The following ANKS1B variants were observed in gnomAD, a reference collection of about 807,000 sequenced individuals.
ANKS1B encodes the protein ankyrin repeat and sterile alpha motif domain-containing protein 1B.
In ANKS1B, 36 loss-of-function variants were observed where a neutral mutation model predicts 148.3. The ratio of observed to expected loss-of-function variants is 0.24; its 90% CI spans 0.19 to 0.32. The LOEUF (loss-of-function observed/expected upper bound fraction) is 0.32, where lower values mean the gene tolerates loss of function less well. ANKS1B is among the 10% of genes least tolerant of loss of function. The pLI is 1.00. For synonymous variants in ANKS1B, 542 were observed against 560.8 expected (o/e 0.97, Z 0.47); for missense variants, 1,157 against 1,542.6 (o/e 0.75, Z 4.19).
At chr12:99,341,496 C>T (rs2089912383) in intron 12 of ANKS1B, among the ~76,000 whole-genome samples, 1 of 152,162 alleles carries the variant, frequency 6.6e-6, no homozygotes, top group African/African-American at 2.4e-5. Context: ...AAGAACCAGA[C>T]ATCTCTATCA....
At chr12:99,776,674 T>G (rs1234789722) in intron 6 of ANKS1B, among the ~76,000 whole-genome samples, 2 of 126,702 alleles carry the variant, frequency 1.6e-5, no homozygotes, top group East Asian at 5.6e-4. Context: ...TTTTTTTTGT[T>G]TCTTTTTGGT....
intron 17 of ANKS1B, chr12:99,049,122 T>C (rs1269497727): frequency 6.6e-6 from 1 of 152,248 alleles, no homozygotes; most frequent in East Asian, 1.9e-4. Context: ...TATGGAAATA[T>C]GAATATTTCT....
chr12:99,562,013 C>T (rs963607248), intron 9 of ANKS1B, among the ~76,000 whole-genome samples: 3 of 152,182 alleles, frequency 2.0e-5, no homozygotes, highest in East Asian at 1.9e-4. Flanking sequence ...CCTTGATCCA[C>T]GGGCTTGCAG....
At chr12:98,956,987 T>C (rs2099863276) in intron 17 of ANKS1B, among the ~76,000 whole-genome samples, 1 of 152,238 alleles carries the variant, frequency 6.6e-6, no homozygotes, top group Admixed American at 6.5e-5. Flanking sequence ...TTAAGCTCTT[T>C]ACTCTATCTC....
chr12:99,679,368 G>T, intron 8 of ANKS1B, among the ~76,000 whole-genome samples: 1 of 152,140 alleles, frequency 6.6e-6, no homozygotes. Flanking sequence ...GAGTGCAGTG[G>T]CACCATCTCG....
chr12:99,867,181 G>A (rs370368826), intron 1 of ANKS1B, among the ~76,000 whole-genome samples: 2 of 152,228 alleles, frequency 1.3e-5, no homozygotes, highest in Middle Eastern at 3.4e-3. Context: ...TCAAGATTTT[G>A]TTAATATTGC....
chr12:99,475,511 T>C (rs897916684), intron 10 of ANKS1B, among the ~76,000 whole-genome samples: 4 of 151,886 alleles, frequency 2.6e-5, no homozygotes, highest in Non-Finnish European at 5.9e-5. Flanking sequence ...AAATGTCATG[T>C]AAAATCTGAA....
At chr12:99,530,212 A>T (rs1252602878) in intron 9 of ANKS1B, among the ~76,000 whole-genome samples, 1 of 152,220 alleles carries the variant, frequency 6.6e-6, no homozygotes, top group East Asian at 1.9e-4. Flanking sequence ...AGTTTAAAAC[A>T]TCAGTAAGGC....
At chr12:99,717,787 T>C (rs991427033) in intron 8 of ANKS1B, among the ~76,000 whole-genome samples, 3 of 88,618 alleles carry the variant, frequency 3.4e-5, no homozygotes, top group South Asian at 3.9e-4. Context: ...CACTCCACAT[T>C]ACCTTCTTTT....
At chr12:99,847,664 G>T (rs566661660) in intron 1 of ANKS1B, among the ~76,000 whole-genome samples, 1 of 152,236 alleles carries the variant, frequency 6.6e-6, no homozygotes, top group East Asian at 1.9e-4. Context: ...AAAATGAACA[G>T]TTTTCCCTTG....
intron 12 of ANKS1B, among the ~76,000 whole-genome samples, chr12:99,264,491 C>CGTAA (rs1357302237): frequency 2.0e-5 from 3 of 152,088 alleles, no homozygotes; most frequent in African/African-American, 7.2e-5. Flanking sequence ...CGTTTATGAT[C>CGTAA]TTACAGTTTT....
chr12:99,410,055 T>C (rs975449277), intron 11 of ANKS1B, among the ~76,000 whole-genome samples: 5 of 152,250 alleles, frequency 3.3e-5, no homozygotes, highest in African/African-American at 1.2e-4. Flanking sequence ...CTACATCTTA[T>C]GTGCCAAAGC....
intron 1 of ANKS1B, among the ~76,000 whole-genome samples, chr12:99,855,988 G>C (rs1469151133): frequency 6.6e-6 from 1 of 151,918 alleles, no homozygotes; most frequent in Non-Finnish European, 1.5e-5. Context: ...ACAATCTAAG[G>C]TCATACCTTA....
chr12:99,570,618 C>T (rs887222525), intron 9 of ANKS1B, among the ~76,000 whole-genome samples: 10 of 149,550 alleles, frequency 6.7e-5, no homozygotes, highest in African/African-American at 2.2e-4. Flanking sequence ...TGCACTCCAG[C>T]CTGAGCGACG....
intron 17 of ANKS1B, among the ~76,000 whole-genome samples, chr12:99,045,352 C>T (rs2099961652): frequency 6.6e-6 from 1 of 152,148 alleles, no homozygotes; most frequent in Non-Finnish European, 1.5e-5. Flanking sequence ...TGAGTCAGCT[C>T]CTTCTTCCCT....
intron 12 of ANKS1B, among the ~76,000 whole-genome samples, chr12:99,258,429 T>TA (rs929046871): frequency 1.6e-4 from 24 of 147,586 alleles, no homozygotes; most frequent in South Asian, 6.4e-4. Context: ...GATCTTCATT[T>TA]AAAAAAAAAA....
chr12:98,851,480 T>C (rs953420344), intron 17 of ANKS1B, among the ~76,000 whole-genome samples: 1 of 152,158 alleles, frequency 6.6e-6, no homozygotes, highest in Admixed American at 6.5e-5. Context: ...AGGACATGTC[T>C]GTTTATGGTT....
intron 14 of ANKS1B, among the ~76,000 whole-genome samples, chr12:99,224,016 A>T (rs1418845913): frequency 6.6e-6 from 1 of 152,110 alleles, no homozygotes; most frequent in Non-Finnish European, 1.5e-5. Context: ...GAATAAACAA[A>T]TTTTTCTTTA....
chr12:98,781,313 A>AACACACAC (rs59308427), intron 23 of ANKS1B, 110 bp from the exon 24 acceptor site: 14 of 613,996 alleles, frequency 2.3e-5, no homozygotes, highest in African/African-American at 1.3e-4. Flanking sequence ...AAACAACAAC[A>AACACACAC]ACACACACAC....
Sources: allele counts gnomAD v4.1 joint callset (sites outside exome capture counted in the v4.1 genomes callset), GRCh38; gene constraint gnomAD v4.1.1; transcripts MANE v1.5; gene names NCBI Gene and HGNC (gene_info 2026-07-23, HGNC 2026-07-21).